Variants in PRKCB observed in about 807,000 individuals in gnomAD.
The protein encoded by PRKCB is protein kinase C beta type.
A neutral mutation model predicts 81.5 loss-of-function variants in PRKCB; 13 were observed. That is an observed-to-expected ratio of 0.16 (90% CI 0.10 to 0.25). PRKCB has a LOEUF of 0.25. Ranked by LOEUF, PRKCB falls within the 10% of genes least tolerant of loss-of-function variation. PRKCB has a pLI of 1.00. For missense variants in PRKCB, 509 were observed against 875.7 expected (o/e 0.58, Z 5.29); for synonymous variants, 335 against 321.4 (o/e 1.04, Z -0.45).
intron 10 of PRKCB, among the ~76,000 whole-genome samples, chr16:24,171,945 G>T (rs1213803129): frequency 2.0e-5 from 3 of 152,054 alleles, no homozygotes; most frequent in African/African-American, 7.2e-5. Context: ...GTTTTGCCCT[G>T]TTGGCCAGGC....
At position 24,096,661 on chromosome 16, in the gene PRKCB, AAAAAAATATATATATATATATAT is replaced by A. The variant is rs1306074424; in HGVS notation, c.821+2366_821+2388del. 1.0e-4 allele frequency among the ~76,000 whole-genome samples: 5 copies of A among 49,232 alleles called. No individual in the cohort carries two copies. In the East Asian group the frequency reaches 2.2e-3, roughly 22 times the overall value. 32.3% of individuals were successfully genotyped at this position (49,232 alleles called of 152,430 possible). A position where few individuals can be genotyped will look rare whatever the true frequency, so the allele number is the denominator to read the frequency against. ...TGCTCCCTTCCTATGGCAAAAAAAA[AAAAAAATATATATATATATATAT>A]ATATATATATATATATATATATCCT... On this transcript the variant is annotated intron_variant, in intron 7 of 16. Transcript: ENST00000643927.
chr16:24,197,522 G>A (rs1445419178), intron 16 of PRKCB, among the ~76,000 whole-genome samples: 1 of 152,158 alleles, frequency 6.6e-6, no homozygotes, highest in Non-Finnish European at 1.5e-5. Flanking sequence ...TGAGATCAGA[G>A]AGGCCAAAGG....
At chr16:24,021,102 TC>T (rs1289534702) in intron 3 of PRKCB, among the ~76,000 whole-genome samples, 59 of 140,648 alleles carry the variant, frequency 4.2e-4, no homozygotes, top group African/African-American at 5.8e-4. Context: ...TTTCTTTCTT[TC>T]TTTCCTTCTC....
rs1192906884 is a variant in PRKCB at position 23,881,965 on chromosome 16, C to CCTTTCTTTCTTT, written c.205+44607_205+44618dup. On this transcript the variant is annotated intron_variant, in intron 2 of 16. Coordinates refer to ENST00000643927, the MANE Select transcript of PRKCB (RefSeq NM_002738.7). ...GCTGGTTTCTTCCTTTTTTTCTTTT[C>CCTTTCTTTCTTT]CTTTCTTTCTTTCTTTCTTTCTTTC... Among the ~76,000 whole-genome samples the CCTTTCTTTCTTT allele has an allele frequency of 4.8e-4, 34 of 70,138 alleles. 2 individuals carry two copies. Among genetic ancestry groups the CCTTTCTTTCTTT allele is most frequent in the African/African-American group, 9.6e-4 (22 of 22,956 alleles). 46.0% of individuals were successfully genotyped at this position (70,138 alleles called of 152,430 possible). A position where few individuals can be genotyped will look rare whatever the true frequency, so the allele number is the denominator to read the frequency against.
chr16:24,022,936 G>A (rs1405446486), intron 3 of PRKCB, among the ~76,000 whole-genome samples: 1 of 152,256 alleles, frequency 6.6e-6, no homozygotes, highest in Non-Finnish European at 1.5e-5. Context: ...CCCTGGGCAT[G>A]AAGGAGGGCC....
intron 4 of PRKCB, 57 bp from the exon 5 acceptor site, chr16:24,035,359 ATGT>A: frequency 6.3e-7 from 1 of 1,577,784 alleles, no homozygotes; most frequent in South Asian, 1.2e-5. Context: ...GGTGGGGCAG[ATGT>A]CTGCAGCCCC....
intron 16 of PRKCB, among the ~76,000 whole-genome samples, chr16:24,198,282 G>T (rs1354479461): frequency 1.3e-5 from 2 of 152,250 alleles, no homozygotes; most frequent in Admixed American, 1.3e-4. Context: ...GTATTGTCAC[G>T]AATTGGCTTA....
At chr16:23,863,873 G>A (rs575597748) in intron 2 of PRKCB, among the ~76,000 whole-genome samples, 2 of 152,310 alleles carry the variant, frequency 1.3e-5, no homozygotes, top group Admixed American at 6.5e-5. Flanking sequence ...GTAGTAAGTT[G>A]TGGTTAAAAG....
chr16:23,962,155 T>C (rs905053110), intron 2 of PRKCB, among the ~76,000 whole-genome samples: 1 of 152,230 alleles, frequency 6.6e-6, no homozygotes, highest in Non-Finnish European at 1.5e-5. Flanking sequence ...CCTCCAGATC[T>C]GACTCCACTT....
At chr16:23,911,350 A>C (rs747607564) in intron 2 of PRKCB, among the ~76,000 whole-genome samples, 3 of 148,864 alleles carry the variant, frequency 2.0e-5, no homozygotes. Context: ...CTGTTCTTCA[A>C]CTCCTGAGCT....
At chr16:23,856,411 A>G (rs1204447401) in intron 2 of PRKCB, among the ~76,000 whole-genome samples, 2 of 152,232 alleles carry the variant, frequency 1.3e-5, no homozygotes, top group Non-Finnish European at 2.9e-5. Context: ...ACTGTGGGTC[A>G]TCACTCATTA....
At chr16:24,056,264 C>T (rs1965901477) in intron 5 of PRKCB, among the ~76,000 whole-genome samples, 1 of 152,240 alleles carries the variant, frequency 6.6e-6, no homozygotes, top group African/African-American at 2.4e-5. Context: ...TGGCATCAGA[C>T]TGACCTGGGC....
intron 3 of PRKCB, among the ~76,000 whole-genome samples, chr16:24,029,694 G>A (rs1965526467): frequency 6.6e-6 from 1 of 152,166 alleles, no homozygotes; most frequent in Admixed American, 6.5e-5. Flanking sequence ...TATCTATGTA[G>A]TATGTCTGTT....
chr16:24,112,951 C>G (rs778332947), intron 7 of PRKCB, 22 bp from the exon 8 acceptor site: 1 of 1,541,426 alleles, frequency 6.5e-7, no homozygotes, highest in South Asian at 1.2e-5. Context: ...GAAATGTGTC[C>G]CACCCCCTTG....
chr16:23,948,817 C>T (rs1157833153), intron 2 of PRKCB, among the ~76,000 whole-genome samples: 5 of 152,166 alleles, frequency 3.3e-5, no homozygotes, highest in Non-Finnish European at 7.3e-5. Context: ...GTTCCACTGT[C>T]GATAAGTGGA....
chr16:24,016,432 T>C (rs1285252483), intron 3 of PRKCB, among the ~76,000 whole-genome samples: 1 of 151,728 alleles, frequency 6.6e-6, no homozygotes, highest in Non-Finnish European at 1.5e-5. Flanking sequence ...CAGGTATAAA[T>C]CTCCAAGCAG....
At chr16:23,982,038 A>ACCTTCCCCTTCCCTTTCCCTTCCCCTTC (rs1555488534) in intron 2 of PRKCB, among the ~76,000 whole-genome samples, 3 of 11,406 alleles carry the variant, frequency 2.6e-4, no homozygotes, top group African/African-American at 1.5e-3. Flanking sequence ...CTTTCCCTTC[A>ACCTTCCCCTTCCCTTTCCCTTCCCCTTC]CCTTCCCCTT....
intron 2 of PRKCB, among the ~76,000 whole-genome samples, chr16:23,977,777 A>G (rs370469161): frequency 5.9e-5 from 9 of 152,162 alleles, no homozygotes; most frequent in African/African-American, 2.2e-4. Flanking sequence ...ACAGGGCTGT[A>G]AGATGACCCC....
At chr16:23,974,284 CAG>C (rs1964597425) in intron 2 of PRKCB, among the ~76,000 whole-genome samples, 1 of 152,024 alleles carries the variant, frequency 6.6e-6, no homozygotes, top group Non-Finnish European at 1.5e-5. Flanking sequence ...GACAGGTGGA[CAG>C]AGAGGTGTGG....
Sources: gnomAD v4.1 joint callset for allele counts (sites outside exome capture counted in the v4.1 genomes callset) on GRCh38, gnomAD v4.1.1 for gene constraint, MANE v1.5 for transcripts, NCBI Gene and HGNC (gene_info 2026-07-23, HGNC 2026-07-21) for gene names.